Variants in TGFBR3 observed in about 807,000 individuals in gnomAD.
TGFBR3 encodes the protein transforming growth factor beta receptor type 3.
In TGFBR3, 46 loss-of-function variants were observed where a neutral mutation model predicts 87.9. The observed-to-expected ratio is 0.52, with a 90% confidence interval of 0.41 to 0.67. The LOEUF (loss-of-function observed/expected upper bound fraction) is 0.67, where lower values mean the gene tolerates loss of function less well. Ranked by LOEUF, TGFBR3 falls within the 30% of genes least tolerant of loss-of-function variation. TGFBR3 has a pLI of 0.00. For synonymous variants in TGFBR3, 381 were observed against 391.6 expected, an observed-to-expected ratio of 0.97 and a Z score of 0.32; for missense variants, 866 against 1,041.9, an observed-to-expected ratio of 0.83 and a Z score of 2.32.
intron 15 of TGFBR3, among the ~76,000 whole-genome samples, chr1:91,697,116 T>C (rs1671459591): frequency 6.6e-6 from 1 of 152,162 alleles, no homozygotes; most frequent in Non-Finnish European, 1.5e-5. Context: ...TTTAATCTAG[T>C]CCTTAAAACT....
chr1:91,788,462 C>T (rs944682929), intron 3 of TGFBR3, among the ~76,000 whole-genome samples: 3 of 152,102 alleles, frequency 2.0e-5, no homozygotes, highest in African/African-American at 7.2e-5. Flanking sequence ...GCCTCTTCAT[C>T]GTGGAAGAAA....
chr1:91,684,779 G>T (rs1465304300), intron 16 of TGFBR3, among the ~76,000 whole-genome samples: 1 of 152,074 alleles, frequency 6.6e-6, no homozygotes, highest in Non-Finnish European at 1.5e-5. Flanking sequence ...AAGCGATCAG[G>T]GCTCTCCAAT....
At chr1:91,722,319 C>G (rs1394466115) in intron 7 of TGFBR3, among the ~76,000 whole-genome samples, 175 bp from the exon 8 acceptor site, 1 of 152,016 alleles carries the variant, frequency 6.6e-6, no homozygotes, top group African/African-American at 2.4e-5. Context: ...CTTTAATAGC[C>G]GACTAAAAGA....
rs566717634 is a variant in TGFBR3, at chr1:91,696,975, G to C, written c.2329+1114C>G. 3.9e-5 allele frequency among the ~76,000 whole-genome samples: 6 copies of C among 152,256 alleles called. No individual in the cohort carries two copies. The East Asian group carries it at 1.2e-3, about 29-fold the overall frequency. ...CCAAGTTCTGGTCCCCACTCTTCTA[G>C]ACCTGTGCTCTTTGGTGTGTTCATT... On this transcript the variant is annotated intron_variant, in intron 15 of 16. Coordinates refer to ENST00000212355, the MANE Select transcript of TGFBR3 (RefSeq NM_003243.5).
chr1:91,859,260 A>C (rs993628478), intron 2 of TGFBR3, among the ~76,000 whole-genome samples: 3 of 152,130 alleles, frequency 2.0e-5, no homozygotes, highest in Non-Finnish European at 4.4e-5. Flanking sequence ...CCTTTCCCAT[A>C]AAGTGCCTTC....
At chr1:91,799,521 G>T (rs1675523525) in intron 2 of TGFBR3, among the ~76,000 whole-genome samples, 1 of 152,184 alleles carries the variant, frequency 6.6e-6, no homozygotes. Context: ...AGAGCTTCAA[G>T]AAATTATCCT....
chr1:91,789,126 T>C (rs1435608160), intron 3 of TGFBR3, among the ~76,000 whole-genome samples: 1 of 152,092 alleles, frequency 6.6e-6, no homozygotes, highest in Non-Finnish European at 1.5e-5. Flanking sequence ...TGAAACCCCG[T>C]CTCTACTAAA....
chr1:91,828,999 A>C (rs1488656643), intron 2 of TGFBR3, among the ~76,000 whole-genome samples: 1 of 151,968 alleles, frequency 6.6e-6, no homozygotes, highest in Non-Finnish European at 1.5e-5. Flanking sequence ...CTGGCAAATC[A>C]CCAATGCCAG....
Position 91,797,268 on chromosome 1 carries a change from A to G in TGFBR3, c.246+19T>C, listed in dbSNP as rs555590644. ...GCAGACTCAGTGGCAGTGGGCTGAG[A>G]GCTGACACCTGCACCTACCTCTCTC... On this transcript the variant is annotated intron_variant, in intron 3 of 16. Coordinates refer to ENST00000212355, the MANE Select transcript of TGFBR3 (RefSeq NM_003243.5). 1.2e-6 allele frequency: 2 copies of G among 1,613,462 alleles called. No individual in the cohort carries two copies. Among genetic ancestry groups the G allele is most frequent in the Non-Finnish European group, 1.7e-6 (2 of 1,179,816 alleles).
In TGFBR3 at chr1:91,854,342, A is replaced by C. The variant is rs186892962; in HGVS notation, c.61+7129T>G. ...AGTCATGTCCTTCACCATGGGGGCC[A>C]ATACTCAGCCCCTACCAAGTACAAC... is the stretch of plus-strand genomic sequence containing the variant. On this transcript the variant is annotated intron_variant, in intron 2 of 16. Coordinates refer to ENST00000212355, the MANE Select transcript of TGFBR3 (RefSeq NM_003243.5). Among the ~76,000 whole-genome samples, 151 of 152,090 alleles carry C rather than the reference A, an allele frequency of 9.9e-4. No homozygotes were observed. In the Middle Eastern group the frequency reaches 0.014, roughly 14 times the overall value.
At chr1:91,738,281 C>G (rs931469618) in intron 4 of TGFBR3, among the ~76,000 whole-genome samples, 2 of 152,180 alleles carry the variant, frequency 1.3e-5, no homozygotes, top group Admixed American at 6.5e-5. Flanking sequence ...TCAGCTGAAC[C>G]CTGCTATGAT....
intron 1 of TGFBR3, among the ~76,000 whole-genome samples, chr1:91,875,620 G>A (rs1052700569): frequency 1.3e-5 from 2 of 152,042 alleles, no homozygotes; most frequent in Non-Finnish European, 2.9e-5. Context: ...GGGCACTGTG[G>A]CTCACGTCTA....
chr1:91,778,881 T>C (rs550065612), intron 3 of TGFBR3, among the ~76,000 whole-genome samples: 21 of 152,178 alleles, frequency 1.4e-4, no homozygotes, highest in Non-Finnish European at 2.4e-4. Flanking sequence ...TGTGGGGTGC[T>C]ATGACTATTT....
chr1:91,773,005 T>C (rs1674434650), intron 3 of TGFBR3, among the ~76,000 whole-genome samples: 1 of 152,208 alleles, frequency 6.6e-6, no homozygotes, highest in Non-Finnish European at 1.5e-5. Context: ...CAGAGGAAAT[T>C]AACTTTCACT....
In TGFBR3 at chr1:91,797,474, G is replaced by A. The variant is rs983145398; in HGVS notation, c.62-3C>T. 7 of 1,614,072 alleles carry A rather than the reference G, an allele frequency of 4.3e-6. No individual in the cohort carries two copies. The highest frequency in any genetic ancestry group is 4.0e-5 in the African/African-American group (3 of 74,946). On this transcript the variant is annotated splice_polypyrimidine_tract_variant and splice_region_variant and intron_variant, in intron 2 of 16. Coordinates refer to ENST00000212355, the MANE Select transcript of TGFBR3 (RefSeq NM_003243.5). ...ACACAGTGCACCAGGCTCTGGACCTGCCAAGGGAATCACAAACACAAGCCA... is the reference window on the plus strand; with the variant it reads ...ACACAGTGCACCAGGCTCTGGACCTACCAAGGGAATCACAAACACAAGCCA...
intron 14 of TGFBR3, among the ~76,000 whole-genome samples, chr1:91,705,319 G>A (rs556184297): frequency 6.7e-4 from 101 of 150,784 alleles, no homozygotes; most frequent in African/African-American, 2.4e-3. Context: ...CTGCTTCCCA[G>A]GTTTAGGCAA....
intron 14 of TGFBR3, among the ~76,000 whole-genome samples, chr1:91,698,757 C>T (rs1241814049): frequency 1.3e-5 from 2 of 152,156 alleles, no homozygotes; most frequent in East Asian, 1.9e-4. Flanking sequence ...CCATCTGCCT[C>T]GACCTCCCAA....
chr1:91,843,401 A>G (rs1677362303), intron 2 of TGFBR3, among the ~76,000 whole-genome samples: 1 of 152,198 alleles, frequency 6.6e-6, no homozygotes, highest in Non-Finnish European at 1.5e-5. Flanking sequence ...CCCTTTCCAG[A>G]ACCTAACCAT....
chr1:91,882,195 G>A (rs766556925), intron 1 of TGFBR3, among the ~76,000 whole-genome samples: 89 of 146,382 alleles, frequency 6.1e-4, no homozygotes, highest in Non-Finnish European at 9.6e-4. Flanking sequence ...GGCGTGCAGT[G>A]GCACGATCTC....
Sources: allele counts gnomAD v4.1 joint callset (sites outside exome capture counted in the v4.1 genomes callset), GRCh38; gene constraint gnomAD v4.1.1; transcripts MANE v1.5; gene names NCBI Gene and HGNC (gene_info 2026-07-23, HGNC 2026-07-21).